The following TM2D2 variants were observed in gnomAD, a reference collection of about 807,000 sequenced individuals.
TM2D2 encodes the protein TM2 domain-containing protein 2.
TM2D2 carries 19 observed loss-of-function variants against 23.0 expected under a neutral mutation model. The ratio of observed to expected loss-of-function variants is 0.82; its 90% CI spans 0.58 to 1.21. TM2D2 has a LOEUF of 1.21. TM2D2 is among the 50% of genes most tolerant of loss of function. The pLI is 0.00. For synonymous variants in TM2D2, 120 were observed against 108.8 expected (o/e 1.10, Z -0.64); for missense variants, 246 against 265.4 (o/e 0.93, Z 0.51).
upstream of TM2D2, chr8:38,996,929 CTCGTCGGGCGCGCGT>C: frequency 7.2e-7 from 1 of 1,392,826 alleles, no homozygotes; most frequent in Non-Finnish European, 9.7e-7. Context: ...CGCGCGCGTG[CTCGTCGGGCGCGCGT>C]GCTCGTCGGG....
At position 38,990,197 on chromosome 8, in the gene TM2D2, G is replaced by A. The variant is rs968183017; in HGVS notation, c.*1135C>T. On this transcript the variant is annotated 3_prime_UTR_variant, in exon 4 of 4. Transcript: ENST00000456397. ...CTACAAAATGATAGAATGTATCCAGGGAAGTTATTTCAACTGTGATATTTG... is the reference window on the plus strand; with the variant it reads ...CTACAAAATGATAGAATGTATCCAGAGAAGTTATTTCAACTGTGATATTTG... 6.6e-6 allele frequency: 1 copy of A among 152,108 alleles called. No homozygotes were observed. Among genetic ancestry groups the A allele is most frequent in the Non-Finnish European group, 1.5e-5 (1 of 68,024 alleles). The allele number at this position is 152,108 out of a possible 1,614,324, so 9.4% of individuals were successfully genotyped here.
Position 38,991,220 on chromosome 8 carries a change from A to T in TM2D2, c.*112T>A, listed in dbSNP as rs1230425703. The T allele has an allele frequency of 4.2e-6, 4 of 949,726 alleles. No homozygotes were observed. In the African/African-American group the frequency reaches 6.7e-5, roughly 16 times the overall value. 58.8% of individuals were successfully genotyped at this position (949,726 alleles called of 1,614,324 possible). ...TCTTAACCAAACAAATGCCCTCCAA[A>T]AGAAGGAAAATAACATCAGGTCTGA... is the stretch of plus-strand genomic sequence containing the variant. On this transcript the variant is annotated 3_prime_UTR_variant, in exon 4 of 4. Transcript: ENST00000456397.
chr8:38,991,070 C>T lies in TM2D2; in HGVS notation c.*262G>A, dbSNP rs185782101. 42 of 507,682 alleles carry T rather than the reference C, an allele frequency of 8.3e-5. No homozygotes were observed. The highest frequency in any genetic ancestry group is 6.9e-4 in the African/African-American group (36 of 52,086). 31.4% of individuals were successfully genotyped at this position (507,682 alleles called of 1,614,324 possible). A position where few individuals can be genotyped will look rare whatever the true frequency, so the allele number is the denominator to read the frequency against. ...GAAACCCATCCACAGCTTGTAAACT[C>T]GCCACTATCCTTTATGTTTTGTGCA... On this transcript the variant is annotated 3_prime_UTR_variant, in exon 4 of 4. Transcript: ENST00000456397.
In TM2D2 at chr8:38,991,690, G is replaced by C. The variant is rs181773068; in HGVS notation, c.432-145C>G. The stretch of plus-strand genomic sequence containing the variant: ...TCCATTTTGTTTTCTTTTATGATAT[G>C]GTCAGTGAGGTGAGAGGATCAGGAA... On this transcript the variant is annotated intron_variant, in intron 3 of 3. Coordinates refer to ENST00000456397, the MANE Select transcript of TM2D2 (RefSeq NM_078473.3). 189 of 675,334 alleles carry C rather than the reference G, an allele frequency of 2.8e-4. No homozygotes were observed. In the East Asian group the frequency reaches 4.5e-3, roughly 16 times the overall value. 41.8% of individuals were successfully genotyped at this position (675,334 alleles called of 1,614,324 possible).
At chr8:38,996,511 CGTG>C, upstream of TM2D2, 1 of 1,584,316 alleles carries the variant, frequency 6.3e-7, no homozygotes. Context: ...CCAAGAACTG[CGTG>C]GTCAGGCCTT....
rs1424368169 is a variant in TM2D2 at position 38,993,796 on chromosome 8, G to A, written c.316-136C>T. ...TCCAACAAGGTTGAGGTACAGCTGTGCTCAAGGGCAAGGAATTTAGTGACA... is the reference window on the plus strand; with the variant it reads ...TCCAACAAGGTTGAGGTACAGCTGTACTCAAGGGCAAGGAATTTAGTGACA... On this transcript the variant is annotated intron_variant, in intron 2 of 3. Coordinates refer to ENST00000456397, the MANE Select transcript of TM2D2 (RefSeq NM_078473.3). 5 of 548,948 alleles carry A rather than the reference G, an allele frequency of 9.1e-6. No individual in the cohort carries two copies. In the East Asian group the frequency reaches 1.6e-4, roughly 17 times the overall value. The allele number at this position is 548,948 out of a possible 1,614,324, so 34.0% of individuals were successfully genotyped here. A position where few individuals can be genotyped will look rare whatever the true frequency, so the allele number is the denominator to read the frequency against.
At chr8:38,996,069 G>C in intron 1 of TM2D2, 144 bp downstream of exon 1, 2 of 1,006,068 alleles carry the variant, frequency 2.0e-6, no homozygotes, top group Non-Finnish European at 2.9e-6. Context: ...TGAGAAACCT[G>C]GTTCATGATA....
chr8:38,991,881 G>A (rs1835612690), intron 3 of TM2D2, among the ~76,000 whole-genome samples: 1 of 152,166 alleles, frequency 6.6e-6, no homozygotes, highest in Admixed American at 6.5e-5. Context: ...ACAGGGCAGG[G>A]CGAATAGTTT....
At position 38,994,292 on chromosome 8, in the gene TM2D2, G is replaced by T. The variant is rs200759196; in HGVS notation, c.316-632C>A. On this transcript the variant is annotated intron_variant, in intron 2 of 3. Transcript: ENST00000456397. ...CATTGCTTAACTGAATTCTAGCCAA[G>T]AAATCACAGATATTCATTTTTTACT... Among the ~76,000 whole-genome samples the T allele has an allele frequency of 3.5e-4, 54 of 152,234 alleles. No homozygotes were observed. In the East Asian group the frequency reaches 9.8e-3, roughly 28 times the overall value.
chr8:38,996,919 C>CGCGCGCGTGCTCGTCGG (rs200300781), upstream of TM2D2: 269 of 1,445,120 alleles, frequency 1.9e-4, no homozygotes, highest in East Asian at 5.7e-4. Context: ...GCGTCAGTGC[C>CGCGCGCGTGCTCGTCGG]GCGCGCGTGC....
At chr8:38,991,904 T>A (rs1835613883) in intron 3 of TM2D2, among the ~76,000 whole-genome samples, 1 of 152,076 alleles carries the variant, frequency 6.6e-6, no homozygotes, top group Non-Finnish European at 1.5e-5. Context: ...AACTGGCTAG[T>A]TTGAATAACC....
intron 3 of TM2D2, 137 bp from the exon 4 acceptor site, chr8:38,991,682 T>C (rs547104703): frequency 1.4e-4 from 102 of 704,608 alleles, no homozygotes; most frequent in Non-Finnish European, 2.2e-4. Context: ...TGTTTTCTTT[T>C]ATGATATGGT....
upstream of TM2D2, chr8:38,996,549 C>A (rs1835809276): frequency 1.2e-5 from 18 of 1,502,264 alleles, no homozygotes; most frequent in East Asian, 2.4e-5. Flanking sequence ...CCCGCGTAGC[C>A]CCGCCAAACA....
chr8:38,996,017 G>A (rs1449601643), intron 1 of TM2D2, among the ~76,000 whole-genome samples, 196 bp downstream of exon 1: 3 of 152,194 alleles, frequency 2.0e-5, no homozygotes, highest in African/African-American at 7.2e-5. Flanking sequence ...GGATCTCAAA[G>A]CCTCTGTCAC....
In TM2D2 at chr8:38,996,422, G is replaced by A. The variant is rs900738294; in HGVS notation, c.18C>T (p.Cys6=). The A allele has an allele frequency of 1.1e-5, 18 of 1,614,018 alleles. No homozygotes were observed. Among genetic ancestry groups the A allele is most frequent in the Admixed American group, 3.3e-5 (2 of 60,008 alleles). MVLGG[C]PVSYLLLCGQ... ...CGCACAGAAGTAAGTAACTAACCGG[G>A]CAACCACCTAGCACCATCTTCCCGG... The change falls in exon 1 of 4, where the codon TGC becomes TGT. Residue 6 remains cysteine (C), a synonymous_variant. Transcript: ENST00000456397.
In TM2D2 at chr8:38,995,950, T is replaced by C. The variant is rs189756821; in HGVS notation, c.227+263A>G. Among the ~76,000 whole-genome samples, 15 of 152,240 alleles carry C rather than the reference T, an allele frequency of 9.9e-5. No individual in the cohort carries two copies. In the East Asian group the frequency reaches 2.7e-3, roughly 27 times the overall value. On this transcript the variant is annotated intron_variant, in intron 1 of 3. Coordinates refer to ENST00000456397, the MANE Select transcript of TM2D2 (RefSeq NM_078473.3). ...GGCGCAGGGCAAAGAAAGCACAACC[T>C]TACGCCCTTCTTCCAGAGGCTATAT...
intron 3 of TM2D2, among the ~76,000 whole-genome samples, chr8:38,992,825 T>C (rs1249916590): frequency 6.6e-6 from 1 of 152,192 alleles, no homozygotes; most frequent in Non-Finnish European, 1.5e-5. Flanking sequence ...TCCTGTTGTT[T>C]TGAGCAGCGA....
Position 38,991,276 on chromosome 8 carries a change from T to C in TM2D2, c.*56A>G, listed in dbSNP as rs1390619775. ...AAGAGGAGTTTTGAGCCTGTAGAGA[T>C]GAATTCAGAAGACGGAGCTTTCACC... On this transcript the variant is annotated 3_prime_UTR_variant, in exon 4 of 4. Coordinates refer to ENST00000456397, the MANE Select transcript of TM2D2 (RefSeq NM_078473.3). 6.4e-6 allele frequency: 9 copies of C among 1,413,334 alleles called. No homozygotes were observed. The East Asian group carries it at 1.9e-4, about 30-fold the overall frequency. The allele number at this position is 1,413,334 out of a possible 1,614,324, so 87.5% of individuals were successfully genotyped here.
intron 1 of TM2D2, 151 bp downstream of exon 1, chr8:38,996,062 G>C: frequency 1.0e-6 from 1 of 980,542 alleles, no homozygotes; most frequent in Non-Finnish European, 1.5e-6. Context: ...CGGGCTGTGA[G>C]AAACCTGGTT....
Sources: allele counts gnomAD v4.1 joint callset (sites outside exome capture counted in the v4.1 genomes callset), GRCh38; gene constraint gnomAD v4.1.1; transcripts MANE v1.5; gene names NCBI Gene and HGNC (gene_info 2026-07-23, HGNC 2026-07-21).